RNGTT: variants seen among roughly 807,000 people sequenced by gnomAD.
The protein encoded by RNGTT is mRNA-capping enzyme.
In RNGTT, 33 loss-of-function variants were observed where a neutral mutation model predicts 79.3. That is an observed-to-expected ratio of 0.42 (90% CI 0.32 to 0.56). RNGTT has a LOEUF of 0.56. Among genes scored for constraint, RNGTT ranks in the 20% least tolerant of loss-of-function variants. The pLI is 0.17. For missense variants in RNGTT, 497 were observed against 739.1 expected, an observed-to-expected ratio of 0.67 and a Z score of 3.80; for synonymous variants, 222 against 235.9, an observed-to-expected ratio of 0.94 and a Z score of 0.54.
chr6:88,638,456 C>G (rs1028561748), intron 14 of RNGTT, among the ~76,000 whole-genome samples: 2 of 152,086 alleles, frequency 1.3e-5, no homozygotes, highest in Non-Finnish European at 2.9e-5. Flanking sequence ...CTGAAGTCTA[C>G]TCTTAACTAA....
intron 13 of RNGTT, among the ~76,000 whole-genome samples, chr6:88,756,982 T>C (rs577057175): frequency 2.0e-4 from 30 of 152,270 alleles, no homozygotes; most frequent in African/African-American, 6.7e-4. Flanking sequence ...AAAAAACAAA[T>C]TGTCTTTAAT....
At chr6:88,828,740 TAC>T (rs1283638488) in intron 11 of RNGTT, among the ~76,000 whole-genome samples, 4 of 151,660 alleles carry the variant, frequency 2.6e-5, no homozygotes, top group Admixed American at 6.6e-5. Context: ...TCGTGAAGCA[TAC>T]ACAAATATCA....
intron 5 of RNGTT, among the ~76,000 whole-genome samples, chr6:88,905,832 A>G (rs1262985719): frequency 6.6e-6 from 1 of 152,212 alleles, no homozygotes; most frequent in Admixed American, 6.5e-5. Flanking sequence ...ATAAGCACTC[A>G]AAGTGATTTG....
intron 14 of RNGTT, among the ~76,000 whole-genome samples, chr6:88,655,900 G>A (rs894767767): frequency 1.3e-5 from 2 of 152,066 alleles, no homozygotes; most frequent in South Asian, 4.2e-4. Flanking sequence ...TATGGATTCT[G>A]GCTGGTAAGT....
chr6:88,753,109 T>A (rs1274428687), intron 13 of RNGTT, among the ~76,000 whole-genome samples: 1 of 152,136 alleles, frequency 6.6e-6, no homozygotes, highest in Non-Finnish European at 1.5e-5. Flanking sequence ...CCCCCTAAAA[T>A]TAAGGTAATT....
intron 1 of RNGTT, among the ~76,000 whole-genome samples, chr6:88,951,018 C>T (rs1785228211): frequency 6.6e-6 from 1 of 151,932 alleles, no homozygotes; most frequent in Non-Finnish European, 1.5e-5. Context: ...GCCACCATGC[C>T]CAGCTAATTT....
intron 14 of RNGTT, among the ~76,000 whole-genome samples, chr6:88,655,287 A>G (rs900584035): frequency 5.9e-5 from 9 of 152,346 alleles, no homozygotes; most frequent in African/African-American, 2.2e-4. Flanking sequence ...CATATCAAAT[A>G]ACAATCTGAG....
chr6:88,801,825 AC>A (rs1422248027), intron 11 of RNGTT, among the ~76,000 whole-genome samples, 193 bp from the exon 12 acceptor site: 6 of 90,954 alleles, frequency 6.6e-5, no homozygotes, highest in African/African-American at 3.1e-4. Flanking sequence ...ACACACAGAC[AC>A]ACACACACAC....
At chr6:88,800,764 C>T (rs141878946) in intron 12 of RNGTT, among the ~76,000 whole-genome samples, 3 of 152,186 alleles carry the variant, frequency 2.0e-5, no homozygotes, top group African/African-American at 4.8e-5. Flanking sequence ...TGAAAAACAC[C>T]GTCCTACAGA....
intron 11 of RNGTT, among the ~76,000 whole-genome samples, chr6:88,824,900 G>A (rs547802870): frequency 6.6e-5 from 10 of 151,706 alleles, no homozygotes; most frequent in African/African-American, 2.2e-4. Context: ...CCACCACCAC[G>A]CCCAGCTAAT....
At chr6:88,688,148 G>C (rs888371786) in intron 13 of RNGTT, among the ~76,000 whole-genome samples, 2 of 152,130 alleles carry the variant, frequency 1.3e-5, no homozygotes, top group African/African-American at 4.8e-5. Flanking sequence ...CAATAAACTT[G>C]TTTCTCATAT....
chr6:88,829,841 T>C (rs893369754), intron 11 of RNGTT, among the ~76,000 whole-genome samples: 2 of 151,944 alleles, frequency 1.3e-5, no homozygotes, highest in African/African-American at 4.8e-5. Context: ...AAGAGGTAAC[T>C]ATCTTAAATA....
chr6:88,787,178 TTTAAATAAAAAACA>T (rs1188691849), intron 12 of RNGTT, among the ~76,000 whole-genome samples: 5 of 152,204 alleles, frequency 3.3e-5, no homozygotes, highest in African/African-American at 7.2e-5. Flanking sequence ...TTAAGCCACC[TTTAAATAAAAAACA>T]TTAAAGTTAT....
At chr6:88,881,272 T>C (rs1309355245) in intron 8 of RNGTT, among the ~76,000 whole-genome samples, 2 of 152,124 alleles carry the variant, frequency 1.3e-5, no homozygotes, top group African/African-American at 2.4e-5. Flanking sequence ...AAGTCTTTCA[T>C]TGAGAATCAT....
chr6:88,793,598 C>T (rs1222974369), intron 12 of RNGTT, among the ~76,000 whole-genome samples: 1 of 152,088 alleles, frequency 6.6e-6, no homozygotes, highest in African/African-American at 2.4e-5. Flanking sequence ...GGTGTGGTGG[C>T]TCATGCCTAT....
At chr6:88,839,957 A>G (rs1402995166) in intron 11 of RNGTT, among the ~76,000 whole-genome samples, 1 of 152,216 alleles carries the variant, frequency 6.6e-6, no homozygotes, top group Non-Finnish European at 1.5e-5. Flanking sequence ...TTATAGAGCA[A>G]TATTAATAAA....
intron 1 of RNGTT, among the ~76,000 whole-genome samples, chr6:88,949,422 C>G (rs558289223): frequency 4.0e-5 from 6 of 151,706 alleles, no homozygotes; most frequent in African/African-American, 1.5e-4. Context: ...CCACCATGCC[C>G]GGCTAATTTT....
intron 13 of RNGTT, among the ~76,000 whole-genome samples, chr6:88,687,906 G>A (rs1775336719): frequency 6.6e-6 from 1 of 151,890 alleles, no homozygotes; most frequent in African/African-American, 2.4e-5. Flanking sequence ...TATACAGTTA[G>A]GACTTAGAAC....
rs1241639328 is a variant in RNGTT at position 88,844,377 on chromosome 6, CA to C, written c.1248del (p.Phe416LeufsTer18). 1 of 1,612,490 alleles carries C rather than the reference CA, an allele frequency of 6.2e-7. No individual in the cohort carries two copies. The highest frequency in any genetic ancestry group is 1.3e-5 in the African/African-American group (1 of 74,764). On this transcript the variant is annotated frameshift_variant, in exon 11 of 16. Transcript: ENST00000369485. LOFTEE classifies it high-confidence loss of function. ...TTTACCTTTCTTGAAGTACAGATGTCAAAAAACGGCTTATTTCTGACGCTAA... is the reference window on the plus strand; with the variant it reads ...TTTACCTTTCTTGAAGTACAGATGTCAAAAACGGCTTATTTCTGACGCTAA... ...EPFSVRNKPFFDICTSRKLLE... is the reference protein window; with the variant it reads ...EPFSVRNKPFXDICTSRKLLE...
Sources: gnomAD v4.1 joint callset for allele counts (sites outside exome capture counted in the v4.1 genomes callset) on GRCh38, gnomAD v4.1.1 for gene constraint, MANE v1.5 for transcripts, NCBI Gene and HGNC (gene_info 2026-07-23, HGNC 2026-07-21) for gene names.